GRM8: variants seen among roughly 807,000 people sequenced by gnomAD.
GRM8 encodes metabotropic glutamate receptor 8.
Under a neutral mutation model 87.2 loss-of-function variants are expected in GRM8, and 47 were observed. The observed-to-expected ratio is 0.54, with a 90% CI of 0.43 to 0.69. The LOEUF is 0.69. Among genes scored for constraint, GRM8 ranks in the 30% least tolerant of loss-of-function variants. GRM8 has a pLI of 0.00. For missense variants in GRM8, 1,019 were observed against 1,139.2 expected (o/e 0.89, Z 1.52); for synonymous variants, 396 against 404.5 (o/e 0.98, Z 0.25).
At chr7:126,752,672 T>G (rs1448150726) in intron 7 of GRM8, among the ~76,000 whole-genome samples, 4 of 152,110 alleles carry the variant, frequency 2.6e-5, no homozygotes, top group African/African-American at 7.2e-5. Context: ...AATATACTTT[T>G]TAGCACAAAG....
chr7:126,755,417 T>G (rs1235471875), intron 7 of GRM8, among the ~76,000 whole-genome samples: 1 of 151,938 alleles, frequency 6.6e-6, no homozygotes, highest in Non-Finnish European at 1.5e-5. Context: ...GTCAAAAGCT[T>G]TTTTTTGCAG....
At chr7:126,963,481 G>T (rs2131701814) in intron 3 of GRM8, among the ~76,000 whole-genome samples, 1 of 152,188 alleles carries the variant, frequency 6.6e-6, no homozygotes, top group South Asian at 2.1e-4. Flanking sequence ...GCAGTCTCAG[G>T]ATACAAAATC....
chr7:126,645,279 T>A (rs1006563691), intron 7 of GRM8, among the ~76,000 whole-genome samples: 3 of 152,222 alleles, frequency 2.0e-5, no homozygotes, highest in Admixed American at 6.5e-5. Flanking sequence ...ACTTCTCCAA[T>A]TGCTCCTATA....
chr7:126,717,749 A>G (rs1811911494), intron 7 of GRM8, among the ~76,000 whole-genome samples: 1 of 152,232 alleles, frequency 6.6e-6, no homozygotes, highest in Admixed American at 6.5e-5. Context: ...CAAAATTATA[A>G]CAGGACTTAA....
chr7:126,678,052 T>C (rs1363794633), intron 7 of GRM8, among the ~76,000 whole-genome samples: 2 of 152,328 alleles, frequency 1.3e-5, no homozygotes, highest in African/African-American at 4.8e-5. Flanking sequence ...GGTGTTCGCT[T>C]AGTGCAGATC....
At chr7:126,788,209 A>G (rs559546928) in intron 6 of GRM8, among the ~76,000 whole-genome samples, 1 of 152,038 alleles carries the variant, frequency 6.6e-6, no homozygotes, top group East Asian at 1.9e-4. Context: ...CAGGATTTTG[A>G]GACCAGTCTA....
chr7:126,780,040 G>T (rs1050922481), intron 6 of GRM8, among the ~76,000 whole-genome samples: 2 of 152,152 alleles, frequency 1.3e-5, no homozygotes, highest in African/African-American at 4.8e-5. Context: ...GATATGTGAG[G>T]CTATAAAATA....
At position 127,031,660 on chromosome 7, in the gene GRM8, T is replaced by C. The variant is rs561032227; in HGVS notation, c.727+74836A>G. Among the ~76,000 whole-genome samples the C allele has an allele frequency of 6.6e-5, 10 of 152,314 alleles. No individual in the cohort carries two copies. In the East Asian group the frequency reaches 1.7e-3, roughly 26 times the overall value. ...CAAAGGTATGTTTATGTTAGTGCAA[T>C]ATATGTATAGAGTTCACTTATTTTC... On this transcript the variant is annotated intron_variant, in intron 3 of 10. Coordinates refer to ENST00000339582, the MANE Select transcript of GRM8 (RefSeq NM_000845.3).
chr7:127,069,827 T>A (rs1014582709), intron 3 of GRM8, among the ~76,000 whole-genome samples: 30 of 152,220 alleles, frequency 2.0e-4, no homozygotes, highest in African/African-American at 6.0e-4. Context: ...TGAGACAAAC[T>A]TTCCTCATTT....
intron 3 of GRM8, among the ~76,000 whole-genome samples, chr7:127,087,426 G>A (rs1291575471): frequency 2.0e-5 from 3 of 152,218 alleles, no homozygotes; most frequent in Admixed American, 1.3e-4. Flanking sequence ...AGTAGGAAGA[G>A]GCAAAATTAA....
At chr7:127,091,645 T>C (rs1329247243) in intron 3 of GRM8, among the ~76,000 whole-genome samples, 3 of 91,476 alleles carry the variant, frequency 3.3e-5, no homozygotes, top group African/African-American at 1.3e-4. Flanking sequence ...CCGTCCCACT[T>C]ATGACCCACC....
At chr7:127,102,887 C>T (rs1047611415) in intron 3 of GRM8, among the ~76,000 whole-genome samples, 1 of 152,170 alleles carries the variant, frequency 6.6e-6, no homozygotes, top group African/African-American at 2.4e-5. Context: ...AATAGTAGAT[C>T]CACCAGCAGC....
chr7:126,643,480 A>G (rs773445654), intron 7 of GRM8, among the ~76,000 whole-genome samples: 1 of 150,866 alleles, frequency 6.6e-6, no homozygotes, highest in Non-Finnish European at 1.5e-5. Context: ...AACCTTGTGT[A>G]TATTTATATG....
At chr7:126,993,371 C>T (rs1812862497) in intron 3 of GRM8, among the ~76,000 whole-genome samples, 1 of 152,188 alleles carries the variant, frequency 6.6e-6, no homozygotes, top group African/African-American at 2.4e-5. Flanking sequence ...GGAGTTCTGA[C>T]ATATGCTACG....
At chr7:126,590,263 C>T (rs186604085) in intron 8 of GRM8, among the ~76,000 whole-genome samples, 1 of 151,428 alleles carries the variant, frequency 6.6e-6, no homozygotes, top group Non-Finnish European at 1.5e-5. Flanking sequence ...TAGAATTGAA[C>T]AAGCAGAAGA....
intron 7 of GRM8, among the ~76,000 whole-genome samples, chr7:126,637,112 C>A (rs1242734825): frequency 1.3e-5 from 2 of 152,022 alleles, no homozygotes; most frequent in Non-Finnish European, 2.9e-5. Context: ...AAACTATTAT[C>A]TGAGGGCCAA....
At chr7:126,817,564 C>T (rs910661354) in intron 6 of GRM8, among the ~76,000 whole-genome samples, 6 of 152,074 alleles carry the variant, frequency 3.9e-5, no homozygotes, top group Non-Finnish European at 5.9e-5. Flanking sequence ...TGAGGATTAT[C>T]GATGTACAGT....
chr7:126,654,831 T>C (rs1396788130), intron 7 of GRM8, among the ~76,000 whole-genome samples: 1 of 152,192 alleles, frequency 6.6e-6, no homozygotes, highest in Non-Finnish European at 1.5e-5. Flanking sequence ...AAAAGTTTTA[T>C]AGGTATTTAA....
chr7:127,012,470 A>G (rs1217477822), intron 3 of GRM8, among the ~76,000 whole-genome samples: 1 of 152,062 alleles, frequency 6.6e-6, no homozygotes, highest in Non-Finnish European at 1.5e-5. Context: ...AAATATTTTA[A>G]TTTTTTGCAA....
Sources: gnomAD v4.1 joint callset for allele counts (sites outside exome capture counted in the v4.1 genomes callset) on GRCh38, gnomAD v4.1.1 for gene constraint, MANE v1.5 for transcripts, NCBI Gene and HGNC (gene_info 2026-07-23, HGNC 2026-07-21) for gene names.